PEAK1: variants seen among roughly 807,000 people sequenced by gnomAD.
The protein encoded by PEAK1 is inactive tyrosine-protein kinase PEAK1.
PEAK1 carries 54 observed loss-of-function variants against 124.7 expected under a neutral mutation model. The observed-to-expected ratio is 0.43, with a 90% CI of 0.35 to 0.54. The LOEUF (loss-of-function observed/expected upper bound fraction) is 0.54, where lower values mean the gene tolerates loss of function less well. Ranked by LOEUF, PEAK1 falls within the 20% of genes least tolerant of loss-of-function variation. The pLI is 0.01. For synonymous variants in PEAK1, 719 were observed against 760.0 expected (o/e 0.95, Z 0.89); for missense variants, 2,046 against 2,134.5 (o/e 0.96, Z 0.82).
intron 1 of PEAK1, among the ~76,000 whole-genome samples, chr15:77,399,279 T>C (rs185287408): frequency 1.3e-5 from 2 of 152,172 alleles, no homozygotes; most frequent in Admixed American, 1.3e-4. Context: ...TGTCTATCAA[T>C]ATACCAATGA....
At chr15:77,262,196 A>C (rs575236252) in intron 5 of PEAK1, among the ~76,000 whole-genome samples, 44 of 152,314 alleles carry the variant, frequency 2.9e-4, no homozygotes, top group Non-Finnish European at 5.1e-4. Flanking sequence ...AAGAAATTGC[A>C]TCAACTAACG....
intron 6 of PEAK1, among the ~76,000 whole-genome samples, chr15:77,221,070 A>G (rs1356947054): frequency 3.3e-5 from 5 of 152,110 alleles, no homozygotes; most frequent in African/African-American, 4.8e-5. Flanking sequence ...TTGTTTTCAT[A>G]ATCAGAAAAA....
At chr15:77,170,928 A>G (rs2056459808) in intron 7 of PEAK1, among the ~76,000 whole-genome samples, 1 of 152,170 alleles carries the variant, frequency 6.6e-6, no homozygotes, top group Non-Finnish European at 1.5e-5. Flanking sequence ...TAAAAATGAT[A>G]GTTGAGAAAT....
chr15:77,251,771 C>A (rs1356756382), intron 6 of PEAK1, among the ~76,000 whole-genome samples: 1 of 152,202 alleles, frequency 6.6e-6, no homozygotes, highest in Non-Finnish European at 1.5e-5. Context: ...GCCATGGCAA[C>A]ACCCAGAAGT....
At chr15:77,352,487 G>C in intron 2 of PEAK1, 1 of 985,304 alleles carries the variant, frequency 1.0e-6, no homozygotes, top group Non-Finnish European at 1.2e-6. Context: ...GGGGGCTATG[G>C]AGAGAGCCTG....
chr15:77,143,919 G>T (rs962649068), intron 8 of PEAK1, among the ~76,000 whole-genome samples: 1 of 152,194 alleles, frequency 6.6e-6, no homozygotes, highest in African/African-American at 2.4e-5. Context: ...ACTAGAACAT[G>T]AACCTATTCT....
rs187253943 is a variant in PEAK1 at position 77,299,701 on chromosome 15, G to A, written c.-602-13197C>T. ...TGGAATTCTCTTTTCTTCCAAATTA[G>A]ATTTCAGTTATGCATTTTTGAAAGA... On this transcript the variant is annotated intron_variant, in intron 2 of 9. Transcript: ENST00000682557. 3.8e-3 allele frequency among the ~76,000 whole-genome samples: 583 copies of A among 152,280 alleles called. 6 individuals are homozygous for A. The highest frequency in any genetic ancestry group is 0.013 in the African/African-American group (531 of 41,568).
In PEAK1 at chr15:77,115,018, A is replaced by G; in HGVS notation, c.4379T>C (p.Val1460Ala). The G allele has an allele frequency of 6.2e-7, 1 of 1,614,140 alleles. No individual in the cohort carries two copies. The highest frequency in any genetic ancestry group is 8.5e-7 in the Non-Finnish European group (1 of 1,180,014). ...VMSKKQRSHVVVITREVPCLT... is the reference protein window; with the variant it reads ...VMSKKQRSHVAVITREVPCLT... Reference sequence around the variant, plus strand: ...ACATGGAACCTCCCTGGTGATGACCACAACGTGGCTCCTCTGCTTCTTGCT... The same window carrying G: ...ACATGGAACCTCCCTGGTGATGACCGCAACGTGGCTCCTCTGCTTCTTGCT... The change falls in exon 10 of 10, where the codon GTG becomes GCG. Residue 1460 changes from valine to alanine, a missense_variant. Coordinates refer to ENST00000682557, the MANE Select transcript of PEAK1 (RefSeq NM_001385026.1).
chr15:77,252,115 T>A (rs2060909760), intron 6 of PEAK1, among the ~76,000 whole-genome samples: 1 of 152,262 alleles, frequency 6.6e-6, no homozygotes, highest in Non-Finnish European at 1.5e-5. Flanking sequence ...GATGGACTTA[T>A]AAATATACTA....
intron 2 of PEAK1, among the ~76,000 whole-genome samples, chr15:77,313,652 A>ATGTGTGTGTGTGTGTGTGTGTGTG (rs775220459): frequency 1.1e-5 from 1 of 90,602 alleles, no homozygotes; most frequent in Non-Finnish European, 2.2e-5. Context: ...GTATGTATGT[A>ATGTGTGTGTGTGTGTGTGTGTGTG]TGTGTGTGTG....
At chr15:77,377,893 AC>A (rs1472830421) in intron 1 of PEAK1, among the ~76,000 whole-genome samples, 1 of 152,040 alleles carries the variant, frequency 6.6e-6, no homozygotes, top group East Asian at 1.9e-4. Flanking sequence ...CTACTGTATC[AC>A]CTGCTGATTC....
chr15:77,329,248 G>C (rs796234086), intron 2 of PEAK1, among the ~76,000 whole-genome samples: 38 of 152,242 alleles, frequency 2.5e-4, no homozygotes, highest in African/African-American at 8.7e-4. Context: ...ATGTCACCTG[G>C]AGGGGTTCTT....
rs779533704 is a variant in PEAK1 at position 77,179,292 on chromosome 15, G to C, written c.2635C>G (p.Pro879Ala). ...TGCAAAAGGTTACCTGCATGGTAAG[G>C]AGAAGAAGTAGAGCGTGGCGGGGGA... ...PFPPPRSTSS[P>A]YHAGNLLQRH... Residue 879 changes from proline (P) to alanine (A), a missense_variant, in exon 7 of 10, where the codon CCT (proline) becomes GCT (alanine). Physicochemically the swap from Pro to Ala is conservative, Grantham distance 27. Transcript: ENST00000682557. 6 of 1,614,110 alleles carry C rather than the reference G, an allele frequency of 3.7e-6. No homozygotes were observed. The highest frequency in any genetic ancestry group is 5.1e-6 in the Non-Finnish European group (6 of 1,180,022).
intron 9 of PEAK1, 155 bp from the exon 10 acceptor site, chr15:77,115,474 G>T: frequency 4.3e-6 from 1 of 231,540 alleles, no homozygotes; most frequent in Non-Finnish European, 7.1e-6. Flanking sequence ...CAATAATAAT[G>T]GTGGTAACCA....
At chr15:77,126,973 C>T (rs528892093) in intron 9 of PEAK1, among the ~76,000 whole-genome samples, 6 of 152,320 alleles carry the variant, frequency 3.9e-5, no homozygotes, top group Admixed American at 3.9e-4. Context: ...TCTCCCCAAC[C>T]TCTTCATATG....
At chr15:77,257,001 T>C (rs1032270965) in intron 5 of PEAK1, among the ~76,000 whole-genome samples, 12 of 152,212 alleles carry the variant, frequency 7.9e-5, no homozygotes, top group African/African-American at 2.9e-4. Flanking sequence ...CTTGCGATAG[T>C]ATACTGAGAA....
At chr15:77,261,597 T>C (rs2061443910) in intron 5 of PEAK1, among the ~76,000 whole-genome samples, 1 of 152,048 alleles carries the variant, frequency 6.6e-6, no homozygotes, top group Non-Finnish European at 1.5e-5. Context: ...CTCCAACAAA[T>C]ATAGGACTAT....
At chr15:77,260,520 A>T (rs928446450) in intron 5 of PEAK1, among the ~76,000 whole-genome samples, 1 of 152,194 alleles carries the variant, frequency 6.6e-6, no homozygotes, top group Non-Finnish European at 1.5e-5. Flanking sequence ...ATTCAAAGAC[A>T]TAAATGAAAA....
At chr15:77,342,807 C>A (rs1046744904) in intron 2 of PEAK1, among the ~76,000 whole-genome samples, 1 of 152,118 alleles carries the variant, frequency 6.6e-6, no homozygotes, top group African/African-American at 2.4e-5. Flanking sequence ...CTTTCTAAAG[C>A]TAAATAATAT....
Sources: allele counts gnomAD v4.1 joint callset (sites outside exome capture counted in the v4.1 genomes callset), GRCh38; gene constraint gnomAD v4.1.1; transcripts MANE v1.5; gene names NCBI Gene and HGNC (gene_info 2026-07-23, HGNC 2026-07-21).